The following TRIM71 variants were observed in gnomAD, a reference collection of about 807,000 sequenced individuals.
TRIM71 encodes tripartite motif containing 71, also known as E3 ubiquitin-protein ligase TRIM71.
In TRIM71, 9 loss-of-function variants were observed where a neutral mutation model predicts 61.2. The observed-to-expected ratio is 0.15, with a 90% CI of 0.09 to 0.26. The LOEUF (loss-of-function observed/expected upper bound fraction) is 0.26. TRIM71 is among the 10% of genes least tolerant of loss of function. The pLI is 1.00. For missense variants in TRIM71, 998 were observed against 1,238.7 expected (o/e 0.81, Z 2.92); for synonymous variants, 645 against 553.2 (o/e 1.17, Z -2.33).
intron 2 of TRIM71, among the ~76,000 whole-genome samples, chr3:32,882,602 G>A (rs1696921689): frequency 6.6e-6 from 1 of 152,112 alleles, no homozygotes; most frequent in Non-Finnish European, 1.5e-5. Context: ...GGGGGGCGCG[G>A]TGGTGCAGTC....
At chr3:32,886,584 AG>A (rs1696964284) in intron 3 of TRIM71, among the ~76,000 whole-genome samples, 1 of 152,354 alleles carries the variant, frequency 6.6e-6, no homozygotes, top group South Asian at 2.1e-4. Context: ...CACCCAAGCC[AG>A]CATTCCAACT....
At chr3:32,832,178 T>G (rs1163501895) in intron 1 of TRIM71, among the ~76,000 whole-genome samples, 1 of 152,132 alleles carries the variant, frequency 6.6e-6, no homozygotes, top group East Asian at 1.9e-4. Flanking sequence ...ATTTAAACAC[T>G]AAAGGTGGCC....
intron 1 of TRIM71, among the ~76,000 whole-genome samples, chr3:32,852,050 G>A (rs924058900): frequency 2.6e-5 from 4 of 152,168 alleles, no homozygotes; most frequent in East Asian, 1.9e-4. Flanking sequence ...GAGCGTGCCC[G>A]AGGGGTCCTG....
rs759265447 is a variant in TRIM71, at chr3:32,818,429, A to G, written c.349A>G (p.Ser117Gly). The change falls in exon 1 of 4, where the codon AGC (serine) becomes GGC (glycine). Residue 117 changes from serine (S) to glycine (G), a missense_variant. Transcript: ENST00000383763. Reference protein sequence around the residue: ...DALPSSAFLLSNLLDAVVATA... With the variant: ...DALPSSAFLLGNLLDAVVATA... ...GCTGCCTTCGTCCGCCTTCCTGCTT[A>G]GCAACCTGCTCGACGCGGTGGTGGC... The G allele has an allele frequency of 1.9e-5, 28 of 1,474,928 alleles. No individual in the cohort carries two copies. The South Asian group carries it at 3.3e-4, about 17-fold the overall frequency. 91.4% of individuals were successfully genotyped at this position (1,474,928 alleles called of 1,614,324 possible).
In TRIM71 at chr3:32,818,232, C is replaced by T; in HGVS notation, c.152C>T (p.Ala51Val). The part of the protein sequence containing the change: ...SSGGGGGGPG[A>V]AARRLHVLPC... ...GGGGGCGGCGGCGGGGGCCCTGGGG[C>T]GGCGGCGCGCCGCCTACACGTCCTG... The change falls in exon 1 of 4, where the codon GCG (alanine) becomes GTG (valine). Residue 51 changes from alanine (A) to valine (V), a missense_variant. Around this residue, in one of 5 missense-constraint regions of TRIM71, gnomAD observed 527 missense variants for 427.8 expected, o/e 1.23. Transcript: ENST00000383763. 1 of 1,501,592 alleles carries T rather than the reference C, an allele frequency of 6.7e-7. No individual in the cohort carries two copies. The highest frequency in any genetic ancestry group is 8.8e-7 in the Non-Finnish European group (1 of 1,135,584). 93.0% of individuals were successfully genotyped at this position (1,501,592 alleles called of 1,614,324 possible).
chr3:32,859,666 C>T (rs1470479903), intron 1 of TRIM71, among the ~76,000 whole-genome samples: 1 of 152,136 alleles, frequency 6.6e-6, no homozygotes, highest in African/African-American at 2.4e-5. Context: ...TTGACATTTC[C>T]CTGCCCGGAA....
At chr3:32,868,681 T>C (rs1696765334) in intron 1 of TRIM71, among the ~76,000 whole-genome samples, 1 of 150,616 alleles carries the variant, frequency 6.6e-6, no homozygotes, top group African/African-American at 2.5e-5. Flanking sequence ...GAGTGAGACA[T>C]TAGGGTTTTT....
intron 3 of TRIM71, among the ~76,000 whole-genome samples, chr3:32,889,766 T>C (rs182803333): frequency 1.6e-4 from 24 of 152,134 alleles, no homozygotes; most frequent in East Asian, 1.4e-3. Flanking sequence ...ATTTTTGTTA[T>C]TTTTAGTAGA....
chr3:32,864,539 G>T (rs1437022624), intron 1 of TRIM71, among the ~76,000 whole-genome samples: 2 of 152,188 alleles, frequency 1.3e-5, no homozygotes, highest in Non-Finnish European at 2.9e-5. Context: ...GCTGGTGCCC[G>T]CTGGGTTCGC....
At chr3:32,834,880 C>T (rs1696316674) in intron 1 of TRIM71, among the ~76,000 whole-genome samples, 1 of 152,142 alleles carries the variant, frequency 6.6e-6, no homozygotes, top group African/African-American at 2.4e-5. Context: ...GCGTTTTGAG[C>T]ATTCATTTTG....
At chr3:32,842,585 C>A (rs757440387) in intron 1 of TRIM71, among the ~76,000 whole-genome samples, 1 of 152,338 alleles carries the variant, frequency 6.6e-6, no homozygotes, top group Admixed American at 6.5e-5. Context: ...AGAGTCCAGA[C>A]CCGTGCCAAG....
rs545782673 is a variant in TRIM71, at chr3:32,849,411, T to C, written c.853-24407T>C. Among the ~76,000 whole-genome samples, 25 of 152,054 alleles carry C rather than the reference T, an allele frequency of 1.6e-4. No homozygotes were observed. In the South Asian group the frequency reaches 4.2e-3, roughly 25 times the overall value. ...CCTTGCTCTGTTACCCAGGCTGGAA[T>C]GTAATGGTGCGATCTGAGCTCACTG... On this transcript the variant is annotated intron_variant, in intron 1 of 3. Coordinates refer to ENST00000383763, the MANE Select transcript of TRIM71 (RefSeq NM_001039111.3).
At chr3:32,869,321 T>A (rs1696772460) in intron 1 of TRIM71, among the ~76,000 whole-genome samples, 2 of 152,246 alleles carry the variant, frequency 1.3e-5, no homozygotes, top group African/African-American at 4.8e-5. Flanking sequence ...AACTAATCTT[T>A]AAAAAGTTTA....
chr3:32,837,157 A>G (rs968440694), intron 1 of TRIM71, among the ~76,000 whole-genome samples: 5 of 152,236 alleles, frequency 3.3e-5, no homozygotes, highest in Non-Finnish European at 7.3e-5. Context: ...AGCGTGGATA[A>G]TGTAATTGTT....
Position 32,890,817 on chromosome 3 carries a change from C to T in TRIM71, c.1613C>T (p.Ala538Val), listed in dbSNP as rs1697016744. The T allele has an allele frequency of 6.2e-7, 1 of 1,614,186 alleles. No individual in the cohort carries two copies. The highest frequency in any genetic ancestry group is 8.5e-7 in the Non-Finnish European group (1 of 1,180,050). ...GGCCCTGATGGCAACCTGTTTGGTG[C>T]AGAGGTGAGTGATCAGCAGAATGGG... ...VLGPDGNLFG[A>V]EVSDQQNGTY... Residue 538 changes from alanine (A) to valine (V), a missense_variant, in exon 4 of 4, where the codon GCA becomes GTA. Coordinates refer to ENST00000383763, the MANE Select transcript of TRIM71 (RefSeq NM_001039111.3). This position sits in a 1 kb window ranked among gnomAD's most constrained non-coding sequence, Gnocchi z 6.2.
rs145900906 is a variant in TRIM71 at position 32,824,258 on chromosome 3, A to C, written c.852+5326A>C. ...GGTGGTGCAGTCTTGGCTCACTACA[A>C]CCTCCACCTCACGGGTTCAAGTGAT... On this transcript the variant is annotated intron_variant, in intron 1 of 3. Coordinates refer to ENST00000383763, the MANE Select transcript of TRIM71 (RefSeq NM_001039111.3). Among the ~76,000 whole-genome samples, 1,000 of 151,556 alleles carry C rather than the reference A, an allele frequency of 6.6e-3. 10 individuals carry two copies. The highest frequency in any genetic ancestry group is 0.022 in the African/African-American group (902 of 41,272).
chr3:32,874,360 CT>C (rs373006322), intron 2 of TRIM71, among the ~76,000 whole-genome samples: 22,126 of 148,948 alleles, frequency 0.15, 1,622 homozygotes, highest in Non-Finnish European at 0.17. Context: ...ACTACTACTA[CT>C]ACTACTACAA....
chr3:32,873,738 C>A, intron 1 of TRIM71, 80 bp from the exon 2 acceptor site: 9 of 1,350,478 alleles, frequency 6.7e-6, no homozygotes, highest in Non-Finnish European at 7.8e-6. Context: ...GTTGTGAGAG[C>A]CAGGGCCCTC....
intron 2 of TRIM71, among the ~76,000 whole-genome samples, chr3:32,879,284 A>G (rs1696882838): frequency 6.6e-6 from 1 of 152,186 alleles, no homozygotes; most frequent in African/African-American, 2.4e-5. Context: ...GTTTTGCCTC[A>G]TTGCTGTTTG....
Sources: allele counts gnomAD v4.1 joint callset (sites outside exome capture counted in the v4.1 genomes callset), GRCh38; gene constraint gnomAD v4.1.1; regional missense constraint gnomAD v4.1.1; non-coding constraint Gnocchi (gnomAD v3.1); transcripts MANE v1.5; gene names NCBI Gene and HGNC (gene_info 2026-07-23, HGNC 2026-07-21).